Variants in UBAC2 observed in about 807,000 individuals in gnomAD.
UBAC2 encodes UBA domain containing 2.
A neutral mutation model predicts 44.0 loss-of-function variants in UBAC2; 26 were observed. The observed-to-expected ratio is 0.59, with a 90% CI of 0.43 to 0.82. The LOEUF is 0.82. Among genes scored for constraint, UBAC2 ranks in the 40% least tolerant of loss-of-function variants. The probability of loss-of-function intolerance (pLI) is 0.00; values close to 1 mark genes in which losing one functional copy is unlikely to be tolerated. For missense variants in UBAC2, 329 were observed against 419.4 expected, an observed-to-expected ratio of 0.78 and a Z score of 1.88; for synonymous variants, 155 against 154.3, an observed-to-expected ratio of 1.00 and a Z score of -0.04.
chr13:99,295,830 T>C lies in UBAC2; in HGVS notation c.390-18267T>C, dbSNP rs770934602. ...TTGATGTAAAACACTAGCGCAGTTA[T>C]CCTACACAAGGCATCTCCGATTCTC... On this transcript the variant is annotated intron_variant, in intron 4 of 8. Coordinates refer to ENST00000403766, the MANE Select transcript of UBAC2 (RefSeq NM_001144072.2). This position sits in a 1 kb window ranked among gnomAD's most constrained non-coding sequence, Gnocchi z 4.1. The C allele has an allele frequency of 1.6e-5, 26 of 1,607,810 alleles. No individual in the cohort carries two copies. Among genetic ancestry groups the C allele is most frequent in the Non-Finnish European group, 2.1e-5 (25 of 1,175,870 alleles).
chr13:99,376,977 C>G (rs113126449), intron 8 of UBAC2: 3 of 152,326 alleles, frequency 2.0e-5, no homozygotes, highest in Admixed American at 2.0e-4. Flanking sequence ...TATGCAGCGC[C>G]GTGCCTCGCC....
chr13:99,352,688 C>T (rs527772232), intron 7 of UBAC2, among the ~76,000 whole-genome samples: 10 of 152,344 alleles, frequency 6.6e-5, no homozygotes, highest in East Asian at 5.8e-4. Flanking sequence ...GCAGAATACA[C>T]GCAGTGCCAG....
chr13:99,363,735 A>G lies in UBAC2; in HGVS notation c.808-4052A>G, dbSNP rs575173680. Among the ~76,000 whole-genome samples the G allele has an allele frequency of 2.6e-5, 4 of 152,378 alleles. No homozygotes were observed. The East Asian group carries it at 7.7e-4, about 29-fold the overall frequency. ...CAAGTCACACGTATATACACACCCA[A>G]GAAAACCAAAACTGTTTTTTCCAAA... On this transcript the variant is annotated intron_variant, in intron 7 of 8. Coordinates refer to ENST00000403766, the MANE Select transcript of UBAC2 (RefSeq NM_001144072.2).
intron 1 of UBAC2, among the ~76,000 whole-genome samples, chr13:99,211,725 T>G (rs2042938722): frequency 6.6e-6 from 1 of 152,218 alleles, no homozygotes; most frequent in Admixed American, 6.5e-5. Flanking sequence ...TCTGTGTTGC[T>G]CACTACTGCT....
At chr13:99,302,034 G>A (rs957523235) in intron 4 of UBAC2, among the ~76,000 whole-genome samples, 1 of 152,160 alleles carries the variant, frequency 6.6e-6, no homozygotes, top group South Asian at 2.1e-4. Context: ...CCAATTGGAG[G>A]TGACTTCTCT....
chr13:99,304,223 C>G (rs962956261), intron 4 of UBAC2, among the ~76,000 whole-genome samples: 3 of 152,186 alleles, frequency 2.0e-5, no homozygotes, highest in African/African-American at 7.2e-5. Flanking sequence ...ATCCCACGTT[C>G]CCTCACAACT....
At chr13:99,246,584 T>G (rs2043386302) in intron 4 of UBAC2, among the ~76,000 whole-genome samples, 2 of 152,254 alleles carry the variant, frequency 1.3e-5, no homozygotes, top group Admixed American at 1.3e-4. Flanking sequence ...TCTCCTTGTC[T>G]TCTTTTTCCT....
At chr13:99,255,680 C>T in intron 4 of UBAC2, 1 of 1,613,838 alleles carries the variant, frequency 6.2e-7, no homozygotes, top group Non-Finnish European at 8.5e-7. Context: ...TCCACTAATG[C>T]CACATTCATC....
chr13:99,324,053 C>G (rs1175983612), intron 6 of UBAC2, among the ~76,000 whole-genome samples: 1 of 152,166 alleles, frequency 6.6e-6, no homozygotes, highest in African/African-American at 2.4e-5. Context: ...TTCTGTGAAC[C>G]ATACACTCCA....
intron 8 of UBAC2, among the ~76,000 whole-genome samples, chr13:99,380,355 GAT>G (rs1259936939): frequency 1.3e-5 from 2 of 152,218 alleles, no homozygotes; most frequent in African/African-American, 2.4e-5. Context: ...ACCGTAATGA[GAT>G]GTGTGGGGAC....
At chr13:99,242,572 A>C (rs1451596910) in intron 2 of UBAC2, among the ~76,000 whole-genome samples, 2 of 87,652 alleles carry the variant, frequency 2.3e-5, no homozygotes, top group African/African-American at 9.1e-5. Context: ...ACTTCCCAGT[A>C]GGGGCGGCCG....
At chr13:99,296,259 C>A in intron 4 of UBAC2, 1 of 977,908 alleles carries the variant, frequency 1.0e-6, no homozygotes, top group Non-Finnish European at 1.4e-6. Context: ...TGTATCAAAG[C>A]AATCCAAACT....
At chr13:99,350,322 A>C (rs1399562972) in intron 7 of UBAC2, among the ~76,000 whole-genome samples, 1 of 152,144 alleles carries the variant, frequency 6.6e-6, no homozygotes, top group East Asian at 1.9e-4. Flanking sequence ...ACTGATGTCC[A>C]GGCTCTCCTG....
intron 1 of UBAC2, among the ~76,000 whole-genome samples, chr13:99,213,742 A>G (rs886977219): frequency 2.6e-4 from 40 of 152,222 alleles, no homozygotes; most frequent in Non-Finnish European, 2.5e-4. Flanking sequence ...TTTGTAACTA[A>G]GTTATTGATT....
intron 1 of UBAC2, chr13:99,215,778 C>T (rs1301150715): frequency 1.0e-6 from 1 of 999,806 alleles, no homozygotes; most frequent in Non-Finnish European, 1.5e-6. Flanking sequence ...TGCTGAAGCT[C>T]AAGCAAGGCA....
chr13:99,235,936 C>A (rs1207379260), intron 1 of UBAC2, among the ~76,000 whole-genome samples: 1 of 151,958 alleles, frequency 6.6e-6, no homozygotes, highest in Non-Finnish European at 1.5e-5. Flanking sequence ...CTGCTGGACT[C>A]CAGCTTGGGC....
At chr13:99,270,526 A>C (rs371322556) in intron 4 of UBAC2, among the ~76,000 whole-genome samples, 4 of 152,214 alleles carry the variant, frequency 2.6e-5, no homozygotes, top group African/African-American at 9.6e-5. Context: ...TACTTTTTAC[A>C]TTTCTATATC....
chr13:99,380,007 A>C (rs1392637099), intron 8 of UBAC2, among the ~76,000 whole-genome samples: 1 of 151,936 alleles, frequency 6.6e-6, no homozygotes, highest in Non-Finnish European at 1.5e-5. Flanking sequence ...TGCGTGGGGG[A>C]GTCGGGGCAT....
intron 6 of UBAC2, among the ~76,000 whole-genome samples, chr13:99,319,150 A>G (rs1024476940): frequency 6.6e-6 from 1 of 152,168 alleles, no homozygotes; most frequent in East Asian, 1.9e-4. Context: ...GAATTTTTTC[A>G]TCTTGTCTAT....
Sources: allele counts gnomAD v4.1 joint callset (sites outside exome capture counted in the v4.1 genomes callset), GRCh38; gene constraint gnomAD v4.1.1; non-coding constraint Gnocchi (gnomAD v3.1); transcripts MANE v1.5; gene names NCBI Gene and HGNC (gene_info 2026-07-23, HGNC 2026-07-21).